RELN: variants seen among roughly 807,000 people sequenced by gnomAD.
RELN encodes the protein reelin.
RELN carries 108 observed loss-of-function variants against 427.6 expected under a neutral mutation model. That is an observed-to-expected ratio of 0.25 (90% CI 0.22 to 0.30). The LOEUF (loss-of-function observed/expected upper bound fraction) is 0.30, where lower values mean the gene tolerates loss of function less well. Among genes scored for constraint, RELN ranks in the 10% least tolerant of loss-of-function variants. The probability of loss-of-function intolerance (pLI) is 1.00; values close to 1 mark genes in which losing one functional copy is unlikely to be tolerated. For missense variants in RELN, 3,715 were observed against 4,302.8 expected (o/e 0.86, Z 3.82); for synonymous variants, 1,524 against 1,513.4 (o/e 1.01, Z -0.16).
chr7:103,912,506 A>G (rs1795392547), intron 2 of RELN, among the ~76,000 whole-genome samples: 1 of 152,118 alleles, frequency 6.6e-6, no homozygotes, highest in South Asian at 2.1e-4. Flanking sequence ...TTTAACTTAA[A>G]TGATTGTATT....
intron 8 of RELN, among the ~76,000 whole-genome samples, chr7:103,707,504 C>CTTTT (rs543258102): frequency 1.4e-5 from 2 of 143,400 alleles, no homozygotes; most frequent in African/African-American, 5.1e-5. Flanking sequence ...TCTTTCTTTT[C>CTTTT]TTTTTTTTTT....
intron 20 of RELN, chr7:103,627,785 G>A (rs745857899): frequency 3.3e-5 from 5 of 152,190 alleles, no homozygotes; most frequent in African/African-American, 7.2e-5. Flanking sequence ...TAATTACTGT[G>A]ATTGTACTTT....
At position 103,749,737 on chromosome 7, in the gene RELN, A is replaced by G. The variant is rs150311975; in HGVS notation, c.578-233T>C. On this transcript the variant is annotated intron_variant, in intron 5 of 64. Coordinates refer to ENST00000428762, the MANE Select transcript of RELN (RefSeq NM_005045.4). ...AACCAAAGACCCCAAAAGGAAATCT[A>G]TGAAGCTATCACTAGGCAGGCAAGG... Among the ~76,000 whole-genome samples, 483 of 152,344 alleles carry G rather than the reference A, an allele frequency of 3.2e-3. 1 individual carries two copies. Among genetic ancestry groups the G allele is most frequent in the Non-Finnish European group, 5.1e-3 (347 of 68,038 alleles).
intron 2 of RELN, among the ~76,000 whole-genome samples, chr7:103,834,426 GT>G (rs1479399517): frequency 6.6e-6 from 1 of 152,138 alleles, no homozygotes; most frequent in Non-Finnish European, 1.5e-5. Flanking sequence ...TTGTAAAGTG[GT>G]CTTGTCTAAT....
At chr7:103,588,775 A>G (rs1361042730) in intron 28 of RELN, among the ~76,000 whole-genome samples, 1 of 152,182 alleles carries the variant, frequency 6.6e-6, no homozygotes, top group Non-Finnish European at 1.5e-5. Flanking sequence ...AGATCATAGA[A>G]ATGAAAACAA....
chr7:103,857,166 G>A (rs1170650242), intron 2 of RELN, among the ~76,000 whole-genome samples: 2 of 152,126 alleles, frequency 1.3e-5, no homozygotes, highest in African/African-American at 4.8e-5. Flanking sequence ...GATTAGGTCT[G>A]CATTATAACA....
chr7:103,944,215 G>A (rs1002953835), intron 1 of RELN, among the ~76,000 whole-genome samples: 1 of 152,090 alleles, frequency 6.6e-6, no homozygotes, highest in African/African-American at 2.4e-5. Flanking sequence ...TAAACCATAA[G>A]AATAAGAATA....
At chr7:103,857,898 A>C (rs1479607974) in intron 2 of RELN, among the ~76,000 whole-genome samples, 1 of 152,088 alleles carries the variant, frequency 6.6e-6, no homozygotes, top group African/African-American at 2.4e-5. Context: ...GACTTTGCAG[A>C]GGGTTTTGGT....
At chr7:103,820,373 C>G (rs1792984111) in intron 3 of RELN, among the ~76,000 whole-genome samples, 2 of 152,044 alleles carry the variant, frequency 1.3e-5, no homozygotes, top group South Asian at 4.1e-4. Flanking sequence ...CATTCCATGC[C>G]AAATCCCTTA....
intron 2 of RELN, among the ~76,000 whole-genome samples, chr7:103,887,563 T>G (rs75036198): frequency 6.6e-6 from 1 of 151,766 alleles, no homozygotes; most frequent in African/African-American, 2.4e-5. Context: ...AAAAATGAGG[T>G]GGGGGTGTAA....
intron 1 of RELN, among the ~76,000 whole-genome samples, chr7:103,935,060 C>T (rs992399837): frequency 9.2e-5 from 14 of 152,148 alleles, no homozygotes; most frequent in South Asian, 4.1e-4. Context: ...GACCTGGAAC[C>T]GAGTGCTTCA....
intron 2 of RELN, among the ~76,000 whole-genome samples, chr7:103,860,882 C>T (rs1308740330): frequency 1.3e-5 from 2 of 151,996 alleles, no homozygotes; most frequent in Non-Finnish European, 2.9e-5. Context: ...GTTCATGACA[C>T]CTTGAGGATA....
At chr7:103,554,685 T>C (rs1028182998) in intron 38 of RELN, among the ~76,000 whole-genome samples, 1 of 152,196 alleles carries the variant, frequency 6.6e-6, no homozygotes, top group African/African-American at 2.4e-5. Context: ...ATATAATGTA[T>C]GTGAAAGCAT....
intron 46 of RELN, among the ~76,000 whole-genome samples, chr7:103,526,922 G>C (rs559454929): frequency 6.6e-6 from 1 of 152,132 alleles, no homozygotes; most frequent in African/African-American, 2.4e-5. Context: ...TCCCAGAGAA[G>C]ATTTCTCATT....
In RELN at chr7:103,832,193, C is replaced by T. The variant is rs373687927; in HGVS notation, c.473+1344G>A. On this transcript the variant is annotated intron_variant, in intron 3 of 64. Transcript: ENST00000428762. ...AGGCAGTGGTAAATTTTAGAGTACA[C>T]AGGTTTTACGGGATTTTGTCTGAGC... Among the ~76,000 whole-genome samples, 68 of 152,258 alleles carry T rather than the reference C, an allele frequency of 4.5e-4. 3 individuals are homozygous for T. Among genetic ancestry groups the T allele is most frequent in the African/African-American group, 1.6e-3 (65 of 41,554 alleles).
At chr7:103,879,543 G>T (rs1794559415) in intron 2 of RELN, among the ~76,000 whole-genome samples, 3 of 152,180 alleles carry the variant, frequency 2.0e-5, no homozygotes, top group African/African-American at 7.2e-5. Flanking sequence ...CATTTATTCA[G>T]AGGAGAGAAT....
In RELN at chr7:103,612,868, G is replaced by T. The variant is rs569300451; in HGVS notation, c.2703-1065C>A. Among the ~76,000 whole-genome samples the T allele has an allele frequency of 3.3e-5, 5 of 152,240 alleles. No homozygotes were observed. In the South Asian group the frequency reaches 1.0e-3, roughly 32 times the overall value. On this transcript the variant is annotated intron_variant, in intron 20 of 64. Coordinates refer to ENST00000428762, the MANE Select transcript of RELN (RefSeq NM_005045.4). ...GCTCAGGAGCTTGTAATTTATCATA[G>T]AAGATTAAAATATAGACATATTATA... is the stretch of plus-strand genomic sequence containing the variant.
At chr7:103,474,820 A>AC (rs397958514) in intron 64 of RELN, among the ~76,000 whole-genome samples, 1 of 150,632 alleles carries the variant, frequency 6.6e-6, no homozygotes, top group Non-Finnish European at 1.5e-5. Context: ...AAAAAAAAAA[A>AC]CTCCACTGAA....
chr7:103,715,950 T>C (rs1423132491), intron 8 of RELN, among the ~76,000 whole-genome samples: 1 of 152,144 alleles, frequency 6.6e-6, no homozygotes, highest in African/African-American at 2.4e-5. Context: ...GCCTGGCCCA[T>C]TTTCTAGGAG....
Sources: gnomAD v4.1 joint callset for allele counts (sites outside exome capture counted in the v4.1 genomes callset) on GRCh38, gnomAD v4.1.1 for gene constraint, MANE v1.5 for transcripts, NCBI Gene and HGNC (gene_info 2026-07-23, HGNC 2026-07-21) for gene names.